Variants in ANKRD33B observed in about 807,000 individuals in gnomAD.
ANKRD33B encodes the protein ankyrin repeat domain-containing protein 33B.
In ANKRD33B, 6 loss-of-function variants were observed where a neutral mutation model predicts 21.5. The observed-to-expected ratio is 0.28, with a 90% CI of 0.15 to 0.55. ANKRD33B has a LOEUF of 0.55. Ranked by LOEUF, ANKRD33B falls within the 20% of genes least tolerant of loss-of-function variation. The pLI, the probability that ANKRD33B is intolerant of heterozygous loss-of-function variation, is 0.94. For missense variants in ANKRD33B, 698 were observed against 747.2 expected, an observed-to-expected ratio of 0.93 and a Z score of 0.77; for synonymous variants, 347 against 342.4, an observed-to-expected ratio of 1.01 and a Z score of -0.15.
rs1736339050 is a variant in ANKRD33B, at chr5:10,618,451, C to G, written c.485C>G (p.Ala162Gly). 1 of 1,533,656 alleles carries G rather than the reference C, an allele frequency of 6.5e-7. No individual in the cohort carries two copies. The highest frequency in any genetic ancestry group is 1.4e-5 in the African/African-American group (1 of 73,132). ...DSEGNTALITAAQAGHAIITN... is the reference protein window; with the variant it reads ...DSEGNTALITGAQAGHAIITN... ...GAGGGGAACACAGCCCTAATCACAG[C>G]TGCACAGGCAGGTAAGAGCTGGCTT... The change falls in exon 2 of 4, where the codon GCT becomes GGT. Residue 162 changes from alanine (A) to glycine (G), a missense_variant. Around this residue, in one of 3 missense-constraint regions of ANKRD33B, gnomAD observed 543 missense variants for 566.5 expected, o/e 0.96. Transcript: ENST00000296657.
At chr5:10,618,549 G>A (rs1268491440) in intron 2 of ANKRD33B, 87 bp downstream of exon 2, 4 of 1,433,158 alleles carry the variant, frequency 2.8e-6, no homozygotes, top group East Asian at 2.5e-5. Flanking sequence ...GATGCAGTCA[G>A]GATGGAAATG....
At chr5:10,635,485 G>A (rs1186785082) in intron 2 of ANKRD33B, among the ~76,000 whole-genome samples, 2 of 152,222 alleles carry the variant, frequency 1.3e-5, no homozygotes, top group African/African-American at 4.8e-5. Context: ...GCGACTGGCT[G>A]TGAGTCACGC....
intron 1 of ANKRD33B, among the ~76,000 whole-genome samples, chr5:10,595,419 G>C (rs965443219): frequency 6.6e-6 from 1 of 152,168 alleles, no homozygotes; most frequent in Non-Finnish European, 1.5e-5. Flanking sequence ...TGACAGCATC[G>C]CTCCAATCTC....
chr5:10,643,644 C>T (rs985278740), intron 3 of ANKRD33B, among the ~76,000 whole-genome samples: 1 of 151,346 alleles, frequency 6.6e-6, no homozygotes, highest in Non-Finnish European at 1.5e-5. Flanking sequence ...GGTGAAATCC[C>T]GCCTCTACTG....
At chr5:10,600,755 C>A (rs1735910784) in intron 1 of ANKRD33B, among the ~76,000 whole-genome samples, 1 of 152,112 alleles carries the variant, frequency 6.6e-6, no homozygotes, top group Admixed American at 6.6e-5. Context: ...CAGTGTGGTT[C>A]TTCCATTTTA....
intron 2 of ANKRD33B, among the ~76,000 whole-genome samples, chr5:10,633,036 C>A (rs1302360033): frequency 1.3e-5 from 2 of 151,546 alleles, no homozygotes; most frequent in Admixed American, 1.3e-4. Context: ...GATCCACCCC[C>A]CTCAGCCTCC....
At chr5:10,644,485 G>A (rs1318853717) in intron 3 of ANKRD33B, among the ~76,000 whole-genome samples, 1 of 152,182 alleles carries the variant, frequency 6.6e-6, no homozygotes, top group Non-Finnish European at 1.5e-5. Flanking sequence ...CTGAAGTGTG[G>A]TGTAACTGCC....
chr5:10,622,324 A>C (rs1736438941), intron 2 of ANKRD33B, among the ~76,000 whole-genome samples: 1 of 152,200 alleles, frequency 6.6e-6, no homozygotes, highest in South Asian at 2.1e-4. Flanking sequence ...GTTTCCAGCT[A>C]TGAACAGTTT....
rs895073332 is a variant in ANKRD33B, at chr5:10,652,403, A to G, written c.*2290A>G. The G allele has an allele frequency of 6.6e-6, 1 of 152,286 alleles. No individual in the cohort carries two copies. The highest frequency in any genetic ancestry group is 1.5e-5 in the Non-Finnish European group (1 of 68,096). 9.4% of individuals were successfully genotyped at this position (152,286 alleles called of 1,614,324 possible). A position where few individuals can be genotyped will look rare whatever the true frequency, so the allele number is the denominator to read the frequency against. ...ATTCTGAGCTCCCACAGAGGGCTCC[A>G]CCTCCCCAAGAATGTCTCATTGTCA... is the stretch of plus-strand genomic sequence containing the variant. On this transcript the variant is annotated 3_prime_UTR_variant, in exon 4 of 4. Transcript: ENST00000296657. This position sits in a 1 kb window ranked among gnomAD's most constrained non-coding sequence, Gnocchi z 4.1.
chr5:10,623,954 G>A (rs1231028477), intron 2 of ANKRD33B, among the ~76,000 whole-genome samples: 1 of 152,120 alleles, frequency 6.6e-6, no homozygotes, highest in Non-Finnish European at 1.5e-5. Flanking sequence ...GAAATTAGAG[G>A]TGAATACCTC....
chr5:10,605,421 A>G (rs1324124915), intron 1 of ANKRD33B, among the ~76,000 whole-genome samples: 1 of 152,172 alleles, frequency 6.6e-6, no homozygotes, highest in Non-Finnish European at 1.5e-5. Context: ...TAAGAAAAGT[A>G]TACTCATGAC....
At chr5:10,640,627 T>G (rs966612677) in intron 3 of ANKRD33B, among the ~76,000 whole-genome samples, 2 of 152,230 alleles carry the variant, frequency 1.3e-5, no homozygotes, top group African/African-American at 2.4e-5. Context: ...GCTTTCACCA[T>G]TACTTAATTC....
intron 1 of ANKRD33B, among the ~76,000 whole-genome samples, chr5:10,614,077 A>G (rs1403031253): frequency 6.7e-6 from 1 of 150,084 alleles, no homozygotes. Flanking sequence ...GGCGTGTGCG[A>G]TTGTAGGGGC....
chr5:10,597,835 T>A (rs1264524034), intron 1 of ANKRD33B, among the ~76,000 whole-genome samples: 4 of 152,178 alleles, frequency 2.6e-5, no homozygotes, highest in African/African-American at 9.7e-5. Flanking sequence ...TAACAAACAG[T>A]CTCTCAGACC....
At chr5:10,633,332 C>T (rs1450376167) in intron 2 of ANKRD33B, among the ~76,000 whole-genome samples, 5 of 152,214 alleles carry the variant, frequency 3.3e-5, no homozygotes, top group Admixed American at 1.3e-4. Flanking sequence ...ATCTCTTGGC[C>T]ACGTGATCCA....
chr5:10,566,775 G>A (rs1297213840), intron 1 of ANKRD33B, among the ~76,000 whole-genome samples: 1 of 152,210 alleles, frequency 6.6e-6, no homozygotes, highest in East Asian at 1.9e-4. Context: ...CAGCCTCCCA[G>A]CAGCTCTCTG....
intron 1 of ANKRD33B, among the ~76,000 whole-genome samples, chr5:10,566,516 G>A (rs1031216155): frequency 6.6e-6 from 1 of 152,220 alleles, no homozygotes; most frequent in Admixed American, 6.5e-5. Context: ...TGGGCAGCCT[G>A]GTGGTCTCCA....
intron 1 of ANKRD33B, among the ~76,000 whole-genome samples, chr5:10,584,029 G>A (rs929664172): frequency 5.9e-5 from 9 of 152,206 alleles, no homozygotes; most frequent in African/African-American, 1.2e-4. Flanking sequence ...AGTGCCCGGC[G>A]TGAGCAGCCT....
At chr5:10,603,483 G>C (rs1168773878) in intron 1 of ANKRD33B, among the ~76,000 whole-genome samples, 1 of 151,910 alleles carries the variant, frequency 6.6e-6, no homozygotes, top group Non-Finnish European at 1.5e-5. Flanking sequence ...GGCTGGTCTT[G>C]AACTCCTGAC....
Sources: allele counts gnomAD v4.1 joint callset (sites outside exome capture counted in the v4.1 genomes callset), GRCh38; gene constraint gnomAD v4.1.1; regional missense constraint gnomAD v4.1.1; non-coding constraint Gnocchi (gnomAD v3.1); transcripts MANE v1.5; gene names NCBI Gene and HGNC (gene_info 2026-07-23, HGNC 2026-07-21).